SLC35F3: variants seen among roughly 807,000 people sequenced by gnomAD.
The protein encoded by SLC35F3 is solute carrier family 35 member F3.
In SLC35F3, 25 loss-of-function variants were observed where a neutral mutation model predicts 49.9. The observed-to-expected ratio is 0.50, with a 90% CI of 0.37 to 0.70. The LOEUF (loss-of-function observed/expected upper bound fraction) is 0.70. Ranked by LOEUF, SLC35F3 falls within the 30% of genes least tolerant of loss-of-function variation. The pLI is 0.00. For missense variants in SLC35F3, 525 were observed against 639.8 expected (o/e 0.82, Z 1.94); for synonymous variants, 275 against 265.4 (o/e 1.04, Z -0.35).
At chr1:233,955,428 C>T (rs141388398) in intron 2 of SLC35F3, among the ~76,000 whole-genome samples, 82 of 152,216 alleles carry the variant, frequency 5.4e-4, no homozygotes, top group Admixed American at 1.8e-3. Flanking sequence ...TCATCTTGGC[C>T]GGGGACTAGT....
chr1:233,997,054 G>C (rs530281915), intron 2 of SLC35F3, among the ~76,000 whole-genome samples: 159 of 152,222 alleles, frequency 1.0e-3, no homozygotes, highest in Non-Finnish European at 1.9e-3. Context: ...ATGTCCTTCA[G>C]GTTCATCTAT....
intron 2 of SLC35F3, among the ~76,000 whole-genome samples, chr1:234,140,860 T>G (rs10910364): frequency 0.023 from 3,477 of 152,294 alleles, 125 homozygotes; most frequent in African/African-American, 0.079. Context: ...TGAAATTCAA[T>G]TTAAGCCTCA....
rs1404350859 is a variant in SLC35F3, at chr1:234,319,017, T to C, written c.1147+74T>C. The C allele has an allele frequency of 2.3e-6, 3 of 1,295,334 alleles. No individual in the cohort carries two copies. The East Asian group carries it at 6.9e-5, about 30-fold the overall frequency. 80.2% of individuals were successfully genotyped at this position (1,295,334 alleles called of 1,614,324 possible). On this transcript the variant is annotated intron_variant, in intron 6 of 7. Transcript: ENST00000366618. ...GAGGACCCTCAGGAAACATGTTCCCTGAAGGCAGAAAACAGTGCTCTTTGC... is the reference window on the plus strand; with the variant it reads ...GAGGACCCTCAGGAAACATGTTCCCCGAAGGCAGAAAACAGTGCTCTTTGC...
intron 2 of SLC35F3, among the ~76,000 whole-genome samples, chr1:234,124,491 A>AT (rs1479812440): frequency 6.6e-6 from 1 of 152,226 alleles, no homozygotes; most frequent in Non-Finnish European, 1.5e-5. Flanking sequence ...AATTATTATC[A>AT]TTTAGCACCA....
At position 234,188,589 on chromosome 1, in the gene SLC35F3, C is replaced by G. The variant is rs531546348; in HGVS notation, c.284-42828C>G. Among the ~76,000 whole-genome samples the G allele has an allele frequency of 4.6e-5, 7 of 152,234 alleles. No homozygotes were observed. In the East Asian group the frequency reaches 1.4e-3, roughly 29 times the overall value. On this transcript the variant is annotated intron_variant, in intron 2 of 7. Coordinates refer to ENST00000366618, the MANE Select transcript of SLC35F3 (RefSeq NM_173508.4). ...AGCTCAGACATGCCTAGCCGTGCCC[C>G]CACCTGATGGTCCTTCCCTACTCAC...
rs540728613 is a variant in SLC35F3, at chr1:233,966,678, A to G, written c.283+60920A>G. ...GAAAGCAACCTCTGGCACTTACAGC[A>G]GAAAACTAGAACTCATTCATTTAAA... On this transcript the variant is annotated intron_variant, in intron 2 of 7. Coordinates refer to ENST00000366618, the MANE Select transcript of SLC35F3 (RefSeq NM_173508.4). 3.9e-5 allele frequency among the ~76,000 whole-genome samples: 6 copies of G among 152,394 alleles called. No homozygotes were observed. The South Asian group carries it at 8.3e-4, about 21-fold the overall frequency.
chr1:234,082,502 T>C (rs981372738), intron 2 of SLC35F3, among the ~76,000 whole-genome samples: 1 of 152,222 alleles, frequency 6.6e-6, no homozygotes, highest in African/African-American at 2.4e-5. Flanking sequence ...TTGTCATTTA[T>C]GTAAAGACTG....
At position 234,318,796 on chromosome 1, in the gene SLC35F3, G is replaced by A. The variant is rs768722641; in HGVS notation, c.1000G>A (p.Ala334Thr). 5.0e-6 allele frequency: 8 copies of A among 1,614,038 alleles called. No homozygotes were observed. The highest frequency in any genetic ancestry group is 2.7e-5 in the African/African-American group (2 of 74,932). The change falls in exon 6 of 8, where the codon GCC (alanine) becomes ACC (threonine). Residue 334 changes from alanine (A) to threonine (T), a missense_variant. Around this residue, in one of 4 missense-constraint regions of SLC35F3, gnomAD observed 216 missense variants for 298.1 expected, o/e 0.72. Transcript: ENST00000366618. ...GGGCAGTGCTAAGTTTGGAGAAGCC[G>A]CCTTATTTTTGTCCATCTTGGGTGT... is the stretch of plus-strand genomic sequence containing the variant. ...LLGSAKFGEAALFLSILGVFN... is the reference protein window; with the variant it reads ...LLGSAKFGEATLFLSILGVFN...
intron 3 of SLC35F3, among the ~76,000 whole-genome samples, chr1:234,305,848 T>C (rs1458797539): frequency 6.6e-6 from 1 of 152,132 alleles, no homozygotes; most frequent in African/African-American, 2.4e-5. Context: ...GGATCAGAAG[T>C]AAATACATCT....
intron 2 of SLC35F3, among the ~76,000 whole-genome samples, chr1:234,081,904 ATTTT>A (rs781469880): frequency 0.036 from 1,401 of 39,064 alleles, 14 homozygotes; most frequent in African/African-American, 0.079. Context: ...TGCCTGGCTA[ATTTT>A]TTTTTTTTTT....
At chr1:234,028,733 A>C (rs1162855548) in intron 2 of SLC35F3, among the ~76,000 whole-genome samples, 3 of 152,226 alleles carry the variant, frequency 2.0e-5, no homozygotes, top group Non-Finnish European at 4.4e-5. Flanking sequence ...TGGGATTCAG[A>C]CTACAGGTGT....
intron 2 of SLC35F3, among the ~76,000 whole-genome samples, chr1:234,003,983 CTTATA>C (rs1291374112): frequency 1.6e-4 from 24 of 152,222 alleles, no homozygotes; most frequent in African/African-American, 5.5e-4. Flanking sequence ...AAAGGCAATA[CTTATA>C]TATGACTGAT....
At chr1:234,223,803 A>AT (rs1667244372) in intron 2 of SLC35F3, among the ~76,000 whole-genome samples, 1 of 152,178 alleles carries the variant, frequency 6.6e-6, no homozygotes, top group South Asian at 2.1e-4. Flanking sequence ...AAAAAAGGAC[A>AT]TTTTTTTACT....
At chr1:234,014,974 A>G (rs968995655) in intron 2 of SLC35F3, among the ~76,000 whole-genome samples, 2 of 152,212 alleles carry the variant, frequency 1.3e-5, no homozygotes, top group Non-Finnish European at 2.9e-5. Flanking sequence ...TAGAAAAACA[A>G]TCCTAAAATT....
chr1:234,196,984 A>C (rs1471068707), intron 2 of SLC35F3, among the ~76,000 whole-genome samples: 2 of 152,246 alleles, frequency 1.3e-5, no homozygotes, highest in Admixed American at 6.5e-5. Context: ...GCTGGACATT[A>C]GTTAAGGCAG....
intron 3 of SLC35F3, among the ~76,000 whole-genome samples, chr1:234,244,803 A>G (rs939943825): frequency 2.3e-4 from 35 of 152,180 alleles, no homozygotes; most frequent in African/African-American, 8.2e-4. Context: ...AGAAGAATTT[A>G]GAGGATTTGT....
At chr1:234,178,461 G>GAAAAA (rs35770557) in intron 2 of SLC35F3, among the ~76,000 whole-genome samples, 2 of 140,982 alleles carry the variant, frequency 1.4e-5, no homozygotes, top group African/African-American at 5.3e-5. Context: ...CTCTCCTAAG[G>GAAAAA]AAAAAAAAAA....
At chr1:234,166,561 C>T (rs1320266465) in intron 2 of SLC35F3, among the ~76,000 whole-genome samples, 1 of 152,148 alleles carries the variant, frequency 6.6e-6, no homozygotes, top group Non-Finnish European at 1.5e-5. Flanking sequence ...GGGGCTTAGA[C>T]TCTAGGGGTA....
chr1:234,020,428 T>C (rs1267452317), intron 2 of SLC35F3, among the ~76,000 whole-genome samples: 1 of 152,204 alleles, frequency 6.6e-6, no homozygotes, highest in Non-Finnish European at 1.5e-5. Context: ...GTCCTTGTTC[T>C]TCCTGACATT....
Sources: allele counts gnomAD v4.1 joint callset (sites outside exome capture counted in the v4.1 genomes callset), GRCh38; gene constraint gnomAD v4.1.1; regional missense constraint gnomAD v4.1.1; transcripts MANE v1.5; gene names NCBI Gene and HGNC (gene_info 2026-07-23, HGNC 2026-07-21).